The following ALK variants were observed in gnomAD, a reference collection of about 807,000 sequenced individuals.
ALK encodes the protein ALK tyrosine kinase receptor.
A neutral mutation model predicts 163.1 loss-of-function variants in ALK; 74 were observed. The ratio of observed to expected loss-of-function variants is 0.45; its 90% confidence interval spans 0.38 to 0.55. The LOEUF (loss-of-function observed/expected upper bound fraction) is 0.55. Ranked by LOEUF, ALK falls within the 20% of genes least tolerant of loss-of-function variation. The pLI is 0.00. For missense variants in ALK, 2,063 were observed against 2,105.3 expected (o/e 0.98, Z 0.39); for synonymous variants, 960 against 843.2 (o/e 1.14, Z -2.40).
chr2:29,581,134 A>G (rs928633246), intron 3 of ALK, among the ~76,000 whole-genome samples: 1 of 152,198 alleles, frequency 6.6e-6, no homozygotes, highest in East Asian at 1.9e-4. Context: ...TCATGCCTAT[A>G]ATCCCAGCAC....
intron 5 of ALK, among the ~76,000 whole-genome samples, chr2:29,345,797 C>T (rs1357255920): frequency 6.6e-6 from 1 of 152,140 alleles, no homozygotes; most frequent in African/African-American, 2.4e-5. Context: ...CCCTTATTAA[C>T]ATGAGAAAAT....
At chr2:29,392,542 A>C (rs994662886) in intron 4 of ALK, among the ~76,000 whole-genome samples, 5 of 152,144 alleles carry the variant, frequency 3.3e-5, no homozygotes, top group African/African-American at 1.2e-4. Context: ...CGACCTCTGC[A>C]TCTTCAGAAT....
At position 29,578,658 on chromosome 2, in the gene ALK, G is replaced by C. The variant is rs548767594; in HGVS notation, c.953-46542C>G. Among the ~76,000 whole-genome samples, 353 of 152,288 alleles carry C rather than the reference G, an allele frequency of 2.3e-3. 1 individual carries two copies. Among genetic ancestry groups the C allele is most frequent in the African/African-American group, 8.2e-3 (340 of 41,568 alleles). ...TACCCTGTCTCTTTCTTTCTTGCAGGGGTATGTGATGATGAAGGGGTCACC... is the reference window on the plus strand; with the variant it reads ...TACCCTGTCTCTTTCTTTCTTGCAGCGGTATGTGATGATGAAGGGGTCACC... On this transcript the variant is annotated intron_variant, in intron 3 of 28. Coordinates refer to ENST00000389048, the MANE Select transcript of ALK (RefSeq NM_004304.5).
chr2:29,254,476 A>T (rs1211042474), intron 11 of ALK, among the ~76,000 whole-genome samples: 2 of 152,182 alleles, frequency 1.3e-5, no homozygotes, highest in Non-Finnish European at 2.9e-5. Flanking sequence ...ATTCCCAGAG[A>T]TGCTGGGCTT....
At chr2:29,379,184 G>A (rs1219668725) in intron 5 of ALK, among the ~76,000 whole-genome samples, 2 of 152,176 alleles carry the variant, frequency 1.3e-5, no homozygotes, top group African/African-American at 2.4e-5. Context: ...GGTTCCCTGG[G>A]AGCCCAGGCA....
rs528844155 is a variant in ALK, at chr2:29,232,339, G to A, written c.2597C>T (p.Ser866Leu). 15 of 1,614,238 alleles carry A rather than the reference G, an allele frequency of 9.3e-6. No homozygotes were observed. The highest frequency in any genetic ancestry group is 1.7e-5 in the Admixed American group (1 of 60,034). ...GGAATTGCCGTTTAGCCCTAGAACC[G>A]AGGAGTTATTCTCCAGTCTCTCTGG... ...FHPERLENNS[S>L]VLGLNGNSGA... The change falls in exon 15 of 29, where the codon TCG becomes TTG. Residue 866 changes from serine (S) to leucine (L), a missense_variant. Ser to Leu is a moderately radical substitution (Grantham distance 145). Transcript: ENST00000389048.
intron 5 of ALK, among the ~76,000 whole-genome samples, chr2:29,344,664 A>G (rs1168927439): frequency 6.6e-6 from 1 of 152,244 alleles, no homozygotes; most frequent in African/African-American, 2.4e-5. Flanking sequence ...ACCTGCCCAA[A>G]TTCTTGTCCC....
chr2:29,582,885 TAG>T (rs1239276375), intron 3 of ALK, among the ~76,000 whole-genome samples: 1 of 138,478 alleles, frequency 7.2e-6, no homozygotes, highest in Non-Finnish European at 1.5e-5. Flanking sequence ...TCTATTGAGA[TAG>T]AGTCTTGCTT....
chr2:29,799,191 C>T (rs148164178), intron 1 of ALK, among the ~76,000 whole-genome samples: 2 of 152,282 alleles, frequency 1.3e-5, no homozygotes, highest in African/African-American at 2.4e-5. Context: ...AGTTGCTTCT[C>T]TATCATTTGT....
At chr2:29,770,396 A>T (rs1573621320) in intron 1 of ALK, among the ~76,000 whole-genome samples, 1 of 152,230 alleles carries the variant, frequency 6.6e-6, no homozygotes, top group Admixed American at 6.5e-5. Context: ...AAGCCTACAG[A>T]TGACACGTCC....
Position 29,436,364 on chromosome 2 carries a change from C to A in ALK, c.1155-52505G>T, listed in dbSNP as rs114803787. ...AGGCAAGAACCCTTGAGAGCGGGAA[C>A]CCCCTGCTTCCTAATCACTTCCCAG... On this transcript the variant is annotated intron_variant, in intron 4 of 28. Coordinates refer to ENST00000389048, the MANE Select transcript of ALK (RefSeq NM_004304.5). Among the ~76,000 whole-genome samples, 1,251 of 152,276 alleles carry A rather than the reference C, an allele frequency of 8.2e-3. 17 individuals are homozygous for A. Among genetic ancestry groups the A allele is most frequent in the African/African-American group, 0.027 (1,134 of 41,538 alleles).
intron 3 of ALK, among the ~76,000 whole-genome samples, chr2:29,547,969 C>A (rs914281822): frequency 1.3e-5 from 2 of 152,174 alleles, no homozygotes; most frequent in Admixed American, 1.3e-4. Context: ...TGCTAAAAAA[C>A]AATTTTGTTG....
chr2:29,572,548 T>C (rs1282085212), intron 3 of ALK, among the ~76,000 whole-genome samples: 1 of 152,098 alleles, frequency 6.6e-6, no homozygotes, highest in East Asian at 1.9e-4. Flanking sequence ...GGAAAATCCA[T>C]CCCCTTTGTG....
At position 29,728,060 on chromosome 2, in the gene ALK, G is replaced by T. The variant is rs192929330; in HGVS notation, c.668-10363C>A. ...GTAGCAAAGAAAGGAGGAGGGAGAA[G>T]AAATAGGGAGACATGTTTTTGTTCT... is the stretch of plus-strand genomic sequence containing the variant. On this transcript the variant is annotated intron_variant, in intron 1 of 28. Transcript: ENST00000389048. 5.3e-5 allele frequency among the ~76,000 whole-genome samples: 8 copies of T among 152,278 alleles called. No individual in the cohort carries two copies. The East Asian group carries it at 1.5e-3, about 29-fold the overall frequency.
chr2:29,475,539 C>T (rs566925903), intron 4 of ALK, among the ~76,000 whole-genome samples: 10 of 152,160 alleles, frequency 6.6e-5, no homozygotes, highest in Non-Finnish European at 8.8e-5. Flanking sequence ...GCCCGCCGGA[C>T]GAGGCTGCAT....
chr2:29,235,129 C>T (rs1457135847), intron 13 of ALK, among the ~76,000 whole-genome samples: 2 of 152,216 alleles, frequency 1.3e-5, no homozygotes, highest in Admixed American at 1.3e-4. Context: ...TCCTGGAATC[C>T]CTGAAGAAGT....
chr2:29,348,780 G>C (rs1374027473), intron 5 of ALK, among the ~76,000 whole-genome samples: 1 of 152,192 alleles, frequency 6.6e-6, no homozygotes, highest in Non-Finnish European at 1.5e-5. Context: ...CTCACATTCT[G>C]CTATTTACAG....
intron 1 of ALK, among the ~76,000 whole-genome samples, chr2:29,776,071 A>T (rs1032914729): frequency 2.6e-5 from 4 of 152,174 alleles, no homozygotes. Flanking sequence ...CTTTTGCTGA[A>T]TCAGACATAA....
chr2:29,763,907 A>G (rs947928359), intron 1 of ALK, among the ~76,000 whole-genome samples: 1 of 152,168 alleles, frequency 6.6e-6, no homozygotes, highest in African/African-American at 2.4e-5. Context: ...AGCCTTCTTC[A>G]GGGCCCCACA....
Sources: allele counts gnomAD v4.1 joint callset (sites outside exome capture counted in the v4.1 genomes callset), GRCh38; gene constraint gnomAD v4.1.1; transcripts MANE v1.5; gene names NCBI Gene and HGNC (gene_info 2026-07-23, HGNC 2026-07-21).